FAM178B: variants seen among roughly 807,000 people sequenced by gnomAD.
FAM178B encodes family with sequence similarity 178 member B.
Under a neutral mutation model 91.7 loss-of-function variants are expected in FAM178B, and 82 were observed. The observed-to-expected ratio is 0.89, with a 90% confidence interval of 0.75 to 1.07. FAM178B has a LOEUF of 1.07. Ranked by LOEUF, FAM178B falls within the 50% of genes least tolerant of loss-of-function variation. The pLI is 0.00. For synonymous variants in FAM178B, 368 were observed against 359.4 expected (o/e 1.02, Z -0.27); for missense variants, 769 against 846.7 (o/e 0.91, Z 1.14).
chr2:96,925,166 G>A (rs1298934251), intron 9 of FAM178B, among the ~76,000 whole-genome samples: 1 of 152,136 alleles, frequency 6.6e-6, no homozygotes, highest in African/African-American at 2.4e-5. Flanking sequence ...GCCATAGGTG[G>A]GTGTGCTTTC....
intron 12 of FAM178B, among the ~76,000 whole-genome samples, chr2:96,913,921 G>A (rs2081199738): frequency 6.6e-6 from 1 of 152,220 alleles, no homozygotes; most frequent in Non-Finnish European, 1.5e-5. Flanking sequence ...GCAGAGGAGG[G>A]TGCGAGGAAG....
At chr2:96,919,530 A>C (rs1052586257) in intron 12 of FAM178B, among the ~76,000 whole-genome samples, 8 of 152,250 alleles carry the variant, frequency 5.3e-5, no homozygotes, top group African/African-American at 1.9e-4. Flanking sequence ...AGGATACAGA[A>C]GGCAGAAAGG....
At chr2:96,932,416 A>G (rs1000188183) in intron 8 of FAM178B, among the ~76,000 whole-genome samples, 1 of 152,236 alleles carries the variant, frequency 6.6e-6, no homozygotes, top group African/African-American at 2.4e-5. Context: ...ACTTGAGGAC[A>G]GGAAAATACC....
At chr2:96,946,232 A>G (rs909553344) in intron 8 of FAM178B, among the ~76,000 whole-genome samples, 3 of 152,210 alleles carry the variant, frequency 2.0e-5, no homozygotes, top group Admixed American at 2.0e-4. Context: ...CATCATGGAC[A>G]TTCAAAGAAT....
At chr2:96,938,576 G>A (rs1401744327) in intron 8 of FAM178B, among the ~76,000 whole-genome samples, 1 of 152,228 alleles carries the variant, frequency 6.6e-6, no homozygotes, top group Non-Finnish European at 1.5e-5. Flanking sequence ...AGATGCTGCT[G>A]TCCACCGGGA....
chr2:96,964,578 T>G (rs914868882), intron 5 of FAM178B, among the ~76,000 whole-genome samples: 1 of 152,040 alleles, frequency 6.6e-6, no homozygotes, highest in African/African-American at 2.4e-5. Flanking sequence ...CCAGCCTCCC[T>G]AGCATCGATT....
chr2:96,949,741 C>G (rs977182817), intron 7 of FAM178B, among the ~76,000 whole-genome samples: 1 of 152,218 alleles, frequency 6.6e-6, no homozygotes, highest in Admixed American at 6.5e-5. Flanking sequence ...GAGCTTTTGT[C>G]TCTCCTTCCT....
At chr2:96,944,464 A>G (rs1190468911) in intron 8 of FAM178B, among the ~76,000 whole-genome samples, 1 of 152,188 alleles carries the variant, frequency 6.6e-6, no homozygotes, top group African/African-American at 2.4e-5. Context: ...AAGTATGAGA[A>G]GCAGTGACCT....
At chr2:96,944,776 T>C (rs2081795601) in intron 8 of FAM178B, among the ~76,000 whole-genome samples, 1 of 152,194 alleles carries the variant, frequency 6.6e-6, no homozygotes, top group Non-Finnish European at 1.5e-5. Flanking sequence ...CAGACCTGCG[T>C]TTACCTGCAC....
intron 8 of FAM178B, among the ~76,000 whole-genome samples, chr2:96,935,697 G>C (rs112860579): frequency 1.2e-5 from 1 of 85,658 alleles, no homozygotes; most frequent in Non-Finnish European, 2.0e-5. Context: ...GCAGTGGCAC[G>C]ATCTCGGCTC....
At chr2:96,931,626 A>C (rs992447813) in intron 8 of FAM178B, among the ~76,000 whole-genome samples, 2 of 152,098 alleles carry the variant, frequency 1.3e-5, no homozygotes, top group African/African-American at 4.8e-5. Context: ...GACTTCCGCA[A>C]GGACCACCGT....
intron 12 of FAM178B, among the ~76,000 whole-genome samples, chr2:96,905,840 ATATATATATATATATATATATTTTTT>A (rs1486923935): frequency 4.7e-4 from 13 of 27,676 alleles, no homozygotes; most frequent in South Asian, 9.1e-4. Context: ...ATATATATAT[ATATATATATATATATATATATTTTTT>A]TTTTTTTTTT....
intron 6 of FAM178B, among the ~76,000 whole-genome samples, chr2:96,954,975 G>A (rs916396513): frequency 6.6e-6 from 1 of 152,128 alleles, no homozygotes. Context: ...CTCTTGAGCC[G>A]GGAGTTGGAG....
At chr2:96,909,216 A>C (rs529765165) in intron 12 of FAM178B, among the ~76,000 whole-genome samples, 1 of 152,270 alleles carries the variant, frequency 6.6e-6, no homozygotes, top group East Asian at 1.9e-4. Context: ...CTGCATAGTT[A>C]TCCATTTTAA....
chr2:96,915,222 G>C (rs2081222418), intron 12 of FAM178B, among the ~76,000 whole-genome samples: 2 of 151,088 alleles, frequency 1.3e-5, no homozygotes, highest in Non-Finnish European at 1.5e-5. Flanking sequence ...TGATTCTCCT[G>C]TCTCAGCCTC....
intron 7 of FAM178B, among the ~76,000 whole-genome samples, chr2:96,949,772 C>G (rs866317859): frequency 1.3e-5 from 2 of 152,236 alleles, no homozygotes; most frequent in African/African-American, 2.4e-5. Flanking sequence ...AACTGGAACT[C>G]TGCACTAACA....
chr2:96,908,284 C>T (rs2081092247), intron 12 of FAM178B, among the ~76,000 whole-genome samples: 2 of 152,206 alleles, frequency 1.3e-5, no homozygotes, highest in Non-Finnish European at 2.9e-5. Context: ...ACATGAGGAA[C>T]CCGTCTATAT....
At chr2:96,946,922 T>C (rs1411093623) in intron 8 of FAM178B, among the ~76,000 whole-genome samples, 1 of 152,172 alleles carries the variant, frequency 6.6e-6, no homozygotes, top group Non-Finnish European at 1.5e-5. Context: ...GACAGATGGC[T>C]CCAGCTCAGC....
intron 14 of FAM178B, among the ~76,000 whole-genome samples, chr2:96,886,973 G>A (rs1559050514): frequency 6.6e-6 from 1 of 152,190 alleles, no homozygotes; most frequent in Non-Finnish European, 1.5e-5. Context: ...CCAGCACTTT[G>A]GGAGGCAGAG....
Sources: gnomAD v4.1 joint callset for allele counts (sites outside exome capture counted in the v4.1 genomes callset) on GRCh38, gnomAD v4.1.1 for gene constraint, MANE v1.5 for transcripts, NCBI Gene and HGNC (gene_info 2026-07-23, HGNC 2026-07-21) for gene names.